The following ZNF236 variants were observed in gnomAD, a reference collection of about 807,000 sequenced individuals.
The protein encoded by ZNF236 is zinc finger protein 236, also known as regulated by glucose.
A neutral mutation model predicts 191.2 loss-of-function variants in ZNF236; 50 were observed. The observed-to-expected ratio is 0.26, with a 90% confidence interval of 0.21 to 0.33. The LOEUF (loss-of-function observed/expected upper bound fraction) is 0.33, where lower values mean the gene tolerates loss of function less well. ZNF236 is among the 10% of genes least tolerant of loss of function. ZNF236 has a pLI of 1.00. For synonymous variants in ZNF236, 907 were observed against 928.8 expected (o/e 0.98, Z 0.43); for missense variants, 1,754 against 2,374.5 (o/e 0.74, Z 5.43).
intron 11 of ZNF236, among the ~76,000 whole-genome samples, chr18:76,902,558 T>A (rs1977626108): frequency 6.6e-6 from 1 of 151,572 alleles, no homozygotes; most frequent in South Asian, 2.1e-4. Context: ...ACTGGATGCC[T>A]GCATTTTTCT....
intron 1 of ZNF236, among the ~76,000 whole-genome samples, chr18:76,843,118 A>G (rs907269029): frequency 2.6e-5 from 4 of 152,198 alleles, no homozygotes; most frequent in African/African-American, 4.8e-5. Context: ...GTATGTGTGT[A>G]TAAAATAAGA....
In ZNF236 at chr18:76,878,005, T is replaced by C. The variant is rs373399080; in HGVS notation, c.841-4T>C. 2.5e-5 allele frequency: 39 copies of C among 1,553,814 alleles called. No homozygotes were observed. The highest frequency in any genetic ancestry group is 3.4e-5 in the Non-Finnish European group (39 of 1,147,856). On this transcript the variant is annotated splice_polypyrimidine_tract_variant and splice_region_variant and intron_variant, in intron 6 of 30. Coordinates refer to ENST00000320610, the MANE Select transcript of ZNF236 (RefSeq NM_001306089.2). Reference sequence around the variant, plus strand: ...CATCATTTTTTTCCTTTTTATTCTTTAAGGTCAAGAATGGTCCTACCTATA... The same window carrying C: ...CATCATTTTTTTCCTTTTTATTCTTCAAGGTCAAGAATGGTCCTACCTATA...
At chr18:76,839,370 T>C (rs7243925) in intron 1 of ZNF236, among the ~76,000 whole-genome samples, 9,211 of 152,304 alleles carry the variant, frequency 0.06, 507 homozygotes, top group African/African-American at 0.15. Flanking sequence ...CCAGTTACTT[T>C]CTTTTCTCAT....
At chr18:76,864,231 A>G (rs150379414) in intron 3 of ZNF236, among the ~76,000 whole-genome samples, 1,405 of 136,136 alleles carry the variant, frequency 0.01, 22 homozygotes, top group African/African-American at 0.037. Context: ...ACAGAGTCTC[A>G]CTTTGTTGCC....
At chr18:76,866,639 C>T (rs984386084) in intron 3 of ZNF236, among the ~76,000 whole-genome samples, 7 of 152,182 alleles carry the variant, frequency 4.6e-5, no homozygotes, top group African/African-American at 1.7e-4. Flanking sequence ...GATGATTTCC[C>T]ATGGCCACTT....
intron 30 of ZNF236, among the ~76,000 whole-genome samples, chr18:76,967,470 T>G (rs1968805961): frequency 8.5e-6 from 1 of 117,672 alleles, no homozygotes; most frequent in Non-Finnish European, 1.8e-5. Flanking sequence ...GATTTGTGAT[T>G]TGGTGTTAGG....
intron 3 of ZNF236, among the ~76,000 whole-genome samples, chr18:76,859,818 C>G (rs1976162437): frequency 6.6e-6 from 1 of 152,152 alleles, no homozygotes; most frequent in Non-Finnish European, 1.5e-5. Flanking sequence ...TTAGAGCCCA[C>G]ATTTCTCTGG....
intron 3 of ZNF236, among the ~76,000 whole-genome samples, chr18:76,856,049 A>G (rs1033126636): frequency 1.5e-4 from 23 of 151,946 alleles, no homozygotes; most frequent in African/African-American, 4.6e-4. Context: ...TCTTCATACC[A>G]TTTTCTTTCT....
At chr18:76,841,597 T>G (rs961837293) in intron 1 of ZNF236, among the ~76,000 whole-genome samples, 1 of 152,216 alleles carries the variant, frequency 6.6e-6, no homozygotes, top group Non-Finnish European at 1.5e-5. Flanking sequence ...ATCAACAGTC[T>G]TAGGCTTACA....
chr18:76,897,699 T>G (rs139866808), intron 10 of ZNF236, among the ~76,000 whole-genome samples: 63 of 151,850 alleles, frequency 4.1e-4, no homozygotes, highest in Non-Finnish European at 4.9e-4. Flanking sequence ...CTACATATAG[T>G]AACAAACACA....
At chr18:76,932,380 T>C (rs1416680467) in intron 25 of ZNF236, among the ~76,000 whole-genome samples, 1 of 152,252 alleles carries the variant, frequency 6.6e-6, no homozygotes, top group East Asian at 1.9e-4. Flanking sequence ...TGATGTATTG[T>C]TGAAGTTAAC....
intron 25 of ZNF236, among the ~76,000 whole-genome samples, chr18:76,930,048 G>C (rs1467454877): frequency 6.6e-6 from 1 of 152,170 alleles, no homozygotes; most frequent in Non-Finnish European, 1.5e-5. Context: ...TACAATGAAA[G>C]TCCTTTTACC....
intron 1 of ZNF236, chr18:76,841,097 C>G (rs555715607): frequency 6.6e-6 from 1 of 152,350 alleles, no homozygotes; most frequent in African/African-American, 2.4e-5. Context: ...CGCCACCACA[C>G]CCGGCTAAGT....
chr18:76,960,925 T>C lies in ZNF236; in HGVS notation c.5419+70T>C. 1 of 1,485,822 alleles carries C rather than the reference T, an allele frequency of 6.7e-7. No homozygotes were observed. The highest frequency in any genetic ancestry group is 9.0e-7 in the Non-Finnish European group (1 of 1,110,310). The allele number at this position is 1,485,822 out of a possible 1,614,324, so 92.0% of individuals were successfully genotyped here. On this transcript the variant is annotated intron_variant, in intron 30 of 30. Coordinates refer to ENST00000320610, the MANE Select transcript of ZNF236 (RefSeq NM_001306089.2). The surrounding 1 kb of genome is among the most constrained non-coding windows in gnomAD (Gnocchi z 4.4). The stretch of plus-strand genomic sequence containing the variant: ...GAGGCACCCTGTGTTTCGCATACAT[T>C]GTTTCCTTTAGTTCACACAGTGATT...
At position 76,910,155 on chromosome 18, in the gene ZNF236, C is replaced by T. The variant is rs781270386; in HGVS notation, c.2639C>T (p.Ala880Val). 13 of 1,612,018 alleles carry T rather than the reference C, an allele frequency of 8.1e-6. No individual in the cohort carries two copies. The Admixed American group carries it at 2.2e-4, about 27-fold the overall frequency. Residue 880 changes from alanine (A) to valine (V), a missense_variant, in exon 15 of 31, where the codon GCA (alanine) becomes GTA (valine). Coordinates refer to ENST00000320610, the MANE Select transcript of ZNF236 (RefSeq NM_001306089.2). ...CCTGCGCAACAGTCCTTCGAACCAG[C>T]AGGGCTACCCCAAGGTCAGTGGTGG... is the stretch of plus-strand genomic sequence containing the variant. ...QSPAQQSFEP[A>V]GLPQGFTVTD... is the part of the protein sequence containing the mutation.
At chr18:76,839,707 T>A (rs1392384483) in intron 1 of ZNF236, among the ~76,000 whole-genome samples, 1 of 152,152 alleles carries the variant, frequency 6.6e-6, no homozygotes, top group Non-Finnish European at 1.5e-5. Context: ...TCAAGATGCA[T>A]GTTTTATTGA....
chr18:76,940,676 C>T (rs1968115341), intron 26 of ZNF236, among the ~76,000 whole-genome samples: 1 of 152,168 alleles, frequency 6.6e-6, no homozygotes, highest in South Asian at 2.1e-4. Flanking sequence ...GAGAATTATC[C>T]ACTACAATTA....
chr18:76,855,426 G>T (rs1976013604), intron 3 of ZNF236, among the ~76,000 whole-genome samples: 1 of 152,138 alleles, frequency 6.6e-6, no homozygotes, highest in Non-Finnish European at 1.5e-5. Context: ...TATCCTTCCA[G>T]GGACATTCTA....
intron 1 of ZNF236, 105 bp from the exon 2 acceptor site, chr18:76,849,421 T>C: frequency 4.5e-6 from 4 of 891,222 alleles, no homozygotes; most frequent in Non-Finnish European, 3.3e-6. Flanking sequence ...GTCACATAAA[T>C]CTCTGACATA....
Sources: gnomAD v4.1 joint callset for allele counts (sites outside exome capture counted in the v4.1 genomes callset) on GRCh38, gnomAD v4.1.1 for gene constraint, Gnocchi (gnomAD v3.1) non-coding constraint, MANE v1.5 for transcripts, NCBI Gene and HGNC (gene_info 2026-07-23, HGNC 2026-07-21) for gene names.